Variants in PHF20 observed in about 807,000 individuals in gnomAD.
The protein encoded by PHF20 is PHD finger protein 20, also known as glioma-expressed antigen 2.
In PHF20, 23 loss-of-function variants were observed where a neutral mutation model predicts 113.5. The ratio of observed to expected loss-of-function variants is 0.20; its 90% CI spans 0.15 to 0.29. The LOEUF (loss-of-function observed/expected upper bound fraction) is 0.29. Ranked by LOEUF, PHF20 falls within the 10% of genes least tolerant of loss-of-function variation. The probability of loss-of-function intolerance (pLI) is 1.00; values close to 1 mark genes in which losing one functional copy is unlikely to be tolerated. For missense variants in PHF20, 943 were observed against 1,219.6 expected (o/e 0.77, Z 3.38); for synonymous variants, 434 against 457.3 (o/e 0.95, Z 0.65).
At chr20:35,835,514 A>G (rs2425159) in intron 2 of PHF20, among the ~76,000 whole-genome samples, 2,850 of 152,344 alleles carry the variant, frequency 0.019, 93 homozygotes, top group African/African-American at 0.066. Context: ...ATTCTTGTCA[A>G]TAAAATCCTG....
chr20:35,933,689 G>C (rs1387137171), intron 15 of PHF20, among the ~76,000 whole-genome samples: 2 of 152,102 alleles, frequency 1.3e-5, no homozygotes, highest in Admixed American at 6.6e-5. Context: ...GAGCCACTGC[G>C]CCTGGCCTAA....
At chr20:35,806,791 C>CTTTTT (rs751352334) in intron 2 of PHF20, among the ~76,000 whole-genome samples, 15 of 113,002 alleles carry the variant, frequency 1.3e-4, no homozygotes, top group Non-Finnish European at 1.8e-4. Context: ...GACCTTTACT[C>CTTTTT]TTTTTTTTTT....
chr20:35,939,446 C>A (rs1215715751), intron 16 of PHF20, among the ~76,000 whole-genome samples: 2 of 152,126 alleles, frequency 1.3e-5, no homozygotes, highest in African/African-American at 4.8e-5. Context: ...ATTATAATTG[C>A]ACCTAGATGT....
rs185150646 is a variant in PHF20 at position 35,917,089 on chromosome 20, C to A, written c.1826-395C>A. 2.7e-4 allele frequency: 92 copies of A among 345,346 alleles called. No individual in the cohort carries two copies. The East Asian group carries it at 6.4e-3, about 24-fold the overall frequency. 21.4% of individuals were successfully genotyped at this position (345,346 alleles called of 1,614,324 possible). A position where few individuals can be genotyped will look rare whatever the true frequency, so the allele number is the denominator to read the frequency against. The stretch of plus-strand genomic sequence containing the variant: ...TTTGTTTACAGAGTTTTAAAGGTAG[C>A]TCTGGATACAGACAGACTGTAAGCC... On this transcript the variant is annotated intron_variant, in intron 12 of 17. Coordinates refer to ENST00000374012, the MANE Select transcript of PHF20 (RefSeq NM_016436.5).
At chr20:35,786,346 G>A (rs111842020) in intron 1 of PHF20, among the ~76,000 whole-genome samples, 7,266 of 152,020 alleles carry the variant, frequency 0.048, 209 homozygotes, top group African/African-American at 0.089. Context: ...AGCCGAGATC[G>A]CGCCACTGCA....
At position 35,931,417 on chromosome 20, in the gene PHF20, G is replaced by T. The variant is rs756394820; in HGVS notation, c.2273G>T (p.Gly758Val). Residue 758 changes from glycine to valine, a missense_variant, in exon 15 of 18, where the codon GGC becomes GTC. Transcript: ENST00000374012. The part of the protein sequence containing the change: ...DVQRVIEVLH[G>V]LQLKMSILQS... Reference sequence around the variant, plus strand: ...CAGAGAGTGATTGAGGTTCTGCATGGCCTGCAGCTCAAGATGAGCATCTTG... The same window carrying T: ...CAGAGAGTGATTGAGGTTCTGCATGTCCTGCAGCTCAAGATGAGCATCTTG... 1.2e-6 allele frequency: 2 copies of T among 1,613,218 alleles called. No individual in the cohort carries two copies. The highest frequency in any genetic ancestry group is 1.7e-6 in the Non-Finnish European group (2 of 1,179,554).
In PHF20 at chr20:35,863,411, T is replaced by G. The variant is rs775226377; in HGVS notation, c.808+11T>G. 7 of 1,576,340 alleles carry G rather than the reference T, an allele frequency of 4.4e-6. No individual in the cohort carries two copies. The highest frequency in any genetic ancestry group is 4.0e-5 in the Admixed American group (2 of 50,044). On this transcript the variant is annotated intron_variant, in intron 6 of 17. Transcript: ENST00000374012. ...CCATAGCTCCTACTGGTGAGTTTTT[T>G]AAGTGGGCTCTGCAATGGGCAATGC...
At chr20:35,861,291 C>T (rs1413570756) in intron 5 of PHF20, among the ~76,000 whole-genome samples, 1 of 151,582 alleles carries the variant, frequency 6.6e-6, no homozygotes, top group Admixed American at 6.6e-5. Context: ...AAAATAAAAA[C>T]TATAATTCCA....
Position 35,847,411 on chromosome 20 carries a change from A to T in PHF20, c.317A>T (p.Lys106Ile). ...CWSDCRFYPA[K>I]VTAVNKDGTY... Reference sequence around the variant, plus strand: ...TCTGATTGTCGTTTTTACCCGGCCAAAGTCACTGCTGTTAACAAGGATGGT... The same window carrying T: ...TCTGATTGTCGTTTTTACCCGGCCATAGTCACTGCTGTTAACAAGGATGGT... Residue 106 changes from lysine (K) to isoleucine (I), a missense_variant, in exon 4 of 18, where the codon AAA becomes ATA. This residue lies in a region of PHF20 where 592 missense variants were observed against 787.2 expected (regional missense o/e 0.75). Coordinates refer to ENST00000374012, the MANE Select transcript of PHF20 (RefSeq NM_016436.5). 1 of 1,612,158 alleles carries T rather than the reference A, an allele frequency of 6.2e-7. No individual in the cohort carries two copies. The highest frequency in any genetic ancestry group is 8.5e-7 in the Non-Finnish European group (1 of 1,178,434).
intron 6 of PHF20, among the ~76,000 whole-genome samples, chr20:35,865,899 T>A (rs1478027601): frequency 6.6e-6 from 1 of 151,582 alleles, no homozygotes; most frequent in African/African-American, 2.4e-5. Flanking sequence ...CATGGTGAAA[T>A]CCCGTCTCCA....
chr20:35,873,794 C>G (rs2054470068), intron 9 of PHF20, among the ~76,000 whole-genome samples: 1 of 152,046 alleles, frequency 6.6e-6, no homozygotes. Context: ...AGCTGTATTT[C>G]TAGCATTTTG....
chr20:35,882,453 G>C (rs975739365), intron 9 of PHF20, among the ~76,000 whole-genome samples: 1 of 152,154 alleles, frequency 6.6e-6, no homozygotes, highest in African/African-American at 2.4e-5. Context: ...GTTTGAGAAG[G>C]GTTTTGCTCT....
At chr20:35,832,095 T>C (rs2042366283) in intron 2 of PHF20, among the ~76,000 whole-genome samples, 1 of 152,206 alleles carries the variant, frequency 6.6e-6, no homozygotes, top group Non-Finnish European at 1.5e-5. Context: ...TGCTTTCCTC[T>C]GTACTATGCT....
intron 1 of PHF20, among the ~76,000 whole-genome samples, chr20:35,787,997 T>G (rs928522380): frequency 6.6e-6 from 1 of 151,970 alleles, no homozygotes; most frequent in African/African-American, 2.4e-5. Context: ...AGGCTGGTCT[T>G]GAACTCCTGG....
chr20:35,804,940 T>G (rs962109249), intron 2 of PHF20, among the ~76,000 whole-genome samples: 1 of 152,152 alleles, frequency 6.6e-6, no homozygotes. Context: ...CTCACTTTGT[T>G]GCCTAGGCTG....
At chr20:35,846,485 G>GC (rs2042626419) in intron 3 of PHF20, among the ~76,000 whole-genome samples, 1 of 152,174 alleles carries the variant, frequency 6.6e-6, no homozygotes, top group Non-Finnish European at 1.5e-5. Context: ...ATTTATCAGT[G>GC]CAAACTGTGT....
intron 9 of PHF20, among the ~76,000 whole-genome samples, chr20:35,873,379 G>A (rs1198392353): frequency 6.6e-6 from 1 of 151,788 alleles, no homozygotes; most frequent in Non-Finnish European, 1.5e-5. Flanking sequence ...AGGATTACAG[G>A]TGTGAGCCAC....
chr20:35,849,297 G>C (rs2042676981), intron 4 of PHF20: 1 of 382,888 alleles, frequency 2.6e-6, no homozygotes, highest in Non-Finnish European at 5.2e-6. Flanking sequence ...TCTAAGAGGG[G>C]TGGGAAGGTG....
intron 14 of PHF20, among the ~76,000 whole-genome samples, chr20:35,928,216 A>G (rs1426248808): frequency 3.3e-5 from 5 of 151,842 alleles, no homozygotes; most frequent in Non-Finnish European, 7.4e-5. Flanking sequence ...AGGCGGGTGA[A>G]TCAACTGAGA....
Sources: gnomAD v4.1 joint callset for allele counts (sites outside exome capture counted in the v4.1 genomes callset) on GRCh38, gnomAD v4.1.1 for gene constraint, gnomAD v4.1.1 regional missense constraint, MANE v1.5 for transcripts, NCBI Gene and HGNC (gene_info 2026-07-23, HGNC 2026-07-21) for gene names.